The following GFRA2 variants were observed in gnomAD, a reference collection of about 807,000 sequenced individuals.
The protein encoded by GFRA2 is GDNF family receptor alpha-2.
Under a neutral mutation model 48.3 loss-of-function variants are expected in GFRA2, and 17 were observed. The observed-to-expected ratio is 0.35, with a 90% CI of 0.24 to 0.53. GFRA2 has a LOEUF of 0.53. Ranked by LOEUF, GFRA2 falls within the 20% of genes least tolerant of loss-of-function variation. GFRA2 has a pLI of 0.93. For synonymous variants in GFRA2, 305 were observed against 257.2 expected, an observed-to-expected ratio of 1.19 and a Z score of -1.78; for missense variants, 660 against 637.3, an observed-to-expected ratio of 1.04 and a Z score of -0.38.
chr8:21,750,635 G>C lies in GFRA2; in HGVS notation c.747C>G (p.Pro249=), dbSNP rs776485136. 1 of 1,613,384 alleles carries C rather than the reference G, an allele frequency of 6.2e-7. No homozygotes were observed. Among genetic ancestry groups the C allele is most frequent in the Admixed American group, 1.7e-5 (1 of 59,944 alleles). The stretch of plus-strand genomic sequence containing the variant: ...ACACGCCACGCAGGTCCAGGCAGTT[G>C]GGCTTCTCCTTGTCCTCATAGGAGC... ...PSCSYEDKEK[P]NCLDLRGVCR... The change falls in exon 4 of 9, where the codon CCC becomes CCG. Residue 249 remains proline, a synonymous_variant. Transcript: ENST00000524240. The surrounding 1 kb of genome is among the most constrained non-coding windows in gnomAD (Gnocchi z 5.7).
intron 3 of GFRA2, among the ~76,000 whole-genome samples, chr8:21,764,121 G>A (rs36145129): frequency 0.26 from 38,912 of 152,020 alleles, 5,756 homozygotes; most frequent in African/African-American, 0.4. Flanking sequence ...TGGTCTGTTC[G>A]GGCTGCTATA....
upstream of GFRA2, chr8:21,790,251 C>G (rs1482370780): frequency 1.6e-5 from 3 of 188,882 alleles, no homozygotes; most frequent in African/African-American, 7.1e-5. Flanking sequence ...CCCCGGCCCT[C>G]GCGCCACGTT....
At chr8:21,715,899 G>C (rs1398189379) in intron 4 of GFRA2, among the ~76,000 whole-genome samples, 1 of 152,214 alleles carries the variant, frequency 6.6e-6, no homozygotes, top group Non-Finnish European at 1.5e-5. Context: ...GAGAACGAGA[G>C]AGAGAGAGAC....
intron 1 of GFRA2, among the ~76,000 whole-genome samples, chr8:21,787,219 G>A (rs1807318271): frequency 1.3e-5 from 2 of 148,460 alleles, no homozygotes; most frequent in Non-Finnish European, 3.0e-5. Flanking sequence ...ACTGCGTGGG[G>A]CTCAGTGGCG....
intron 3 of GFRA2, among the ~76,000 whole-genome samples, chr8:21,754,505 C>CTTTTTTTTTTT (rs59344047): frequency 7.3e-4 from 89 of 121,170 alleles, no homozygotes; most frequent in African/African-American, 1.5e-3. Context: ...CTTTTTTTTT[C>CTTTTTTTTTTT]TTTTTTTTTT....
chr8:21,752,916 G>A (rs539790139), intron 3 of GFRA2, among the ~76,000 whole-genome samples: 41 of 152,016 alleles, frequency 2.7e-4, no homozygotes, highest in Admixed American at 1.4e-3. Flanking sequence ...TCTCACCACC[G>A]CCACTGCTGC....
At position 21,775,013 on chromosome 8, in the gene GFRA2, G is replaced by A; in HGVS notation, c.398C>T (p.Ser133Phe). The A allele has an allele frequency of 2.5e-6, 4 of 1,606,656 alleles. No individual in the cohort carries two copies. Among genetic ancestry groups the A allele is most frequent in the Non-Finnish European group, 3.4e-6 (4 of 1,173,472 alleles). The part of the protein sequence containing the change: ...YEASPYEPVT[S>F]RLSDIFRLAS... ...AAGCCTGAAGATGTCCGAGAGGCGGGAGGTCACCGGCTCATAGGGGGAGGC... is the reference window on the plus strand; with the variant it reads ...AAGCCTGAAGATGTCCGAGAGGCGGAAGGTCACCGGCTCATAGGGGGAGGC... Residue 133 changes from serine (S) to phenylalanine (F), a missense_variant, in exon 3 of 9, where the codon TCC (serine) becomes TTC (phenylalanine). Ser to Phe is a radical substitution (Grantham distance 155, BLOSUM62 -2). Transcript: ENST00000524240.
chr8:21,696,688 G>T (rs1802193449), intron 7 of GFRA2, among the ~76,000 whole-genome samples: 1 of 152,174 alleles, frequency 6.6e-6, no homozygotes, highest in Admixed American at 6.5e-5. Flanking sequence ...GAGCAAAGGG[G>T]GCCTGCAACT....
intron 2 of GFRA2, among the ~76,000 whole-genome samples, chr8:21,775,886 G>T (rs1806669158): frequency 1.3e-5 from 2 of 152,160 alleles, no homozygotes; most frequent in Admixed American, 1.3e-4. Context: ...CCCCACCACA[G>T]TGTCAGGAAT....
At chr8:21,779,179 A>C (rs1000432631) in intron 2 of GFRA2, among the ~76,000 whole-genome samples, 1 of 152,206 alleles carries the variant, frequency 6.6e-6, no homozygotes, top group Non-Finnish European at 1.5e-5. Flanking sequence ...TAGCCTAGGC[A>C]ACAGAGTGAG....
intron 4 of GFRA2, among the ~76,000 whole-genome samples, chr8:21,707,157 G>A (rs750145076): frequency 1.2e-4 from 18 of 152,200 alleles, no homozygotes; most frequent in African/African-American, 2.7e-4. Flanking sequence ...GACTTCAGTC[G>A]CCATGCACTC....
chr8:21,731,466 G>C (rs888052165), intron 4 of GFRA2, among the ~76,000 whole-genome samples: 2 of 152,078 alleles, frequency 1.3e-5, no homozygotes, highest in African/African-American at 4.8e-5. Flanking sequence ...CTTTTCCAAA[G>C]TCATCTTAAA....
intron 4 of GFRA2, chr8:21,706,245 G>C: frequency 1.6e-6 from 1 of 643,860 alleles, no homozygotes; most frequent in African/African-American, 1.8e-5. Context: ...ACTTCCCGGA[G>C]AGACAGGCAC....
Position 21,704,943 on chromosome 8 carries a change from T to G in GFRA2, c.1045+42A>C, listed in dbSNP as rs763545689. ...TGGCTAGGACAGACTCCAGGAGGGGTGGGAGGGGCTGCTGGGGTTGGGGAG... is the reference window on the plus strand; with the variant it reads ...TGGCTAGGACAGACTCCAGGAGGGGGGGGAGGGGCTGCTGGGGTTGGGGAG... On this transcript the variant is annotated intron_variant, in intron 6 of 8. Transcript: ENST00000524240. 7.1e-6 allele frequency: 10 copies of G among 1,399,774 alleles called. No homozygotes were observed. In the Admixed American group the frequency reaches 7.2e-5, roughly 10 times the overall value. The allele number at this position is 1,399,774 out of a possible 1,614,324, so 86.7% of individuals were successfully genotyped here.
chr8:21,728,250 G>A (rs1036786437), intron 4 of GFRA2, among the ~76,000 whole-genome samples: 4 of 138,540 alleles, frequency 2.9e-5, no homozygotes, highest in African/African-American at 1.1e-4. Context: ...TGTTTCCACA[G>A]ACTCCGGGAA....
At chr8:21,804,135 G>T (rs1052690493) in intron 2 of GFRA2, among the ~76,000 whole-genome samples, 1 of 151,786 alleles carries the variant, frequency 6.6e-6, no homozygotes, top group Non-Finnish European at 1.5e-5. Context: ...AAAATCATTC[G>T]CTTTACCACA....
chr8:21,779,000 A>C (rs1172477781), intron 2 of GFRA2, among the ~76,000 whole-genome samples: 1 of 152,132 alleles, frequency 6.6e-6, no homozygotes, highest in Non-Finnish European at 1.5e-5. Flanking sequence ...CCAGAGTTCA[A>C]GATCAGCCTG....
rs140107157 is a variant in GFRA2, at chr8:21,728,150, G to A, written c.795-22109C>T. Among the ~76,000 whole-genome samples the A allele has an allele frequency of 3.3e-3, 501 of 151,578 alleles. 2 individuals are homozygous for A. Among genetic ancestry groups the A allele is most frequent in the African/African-American group, 1.0e-2 (412 of 41,328 alleles). On this transcript the variant is annotated intron_variant, in intron 4 of 8. Transcript: ENST00000524240. ...GGCCCCAGTGCCATAGGGTGTGCCC[G>A]CCCACTGTGGTTCTCAACCCTCACC...
chr8:21,799,408 C>T (rs1237133508), intron 2 of GFRA2, among the ~76,000 whole-genome samples: 2 of 152,030 alleles, frequency 1.3e-5, no homozygotes, highest in East Asian at 1.9e-4. Flanking sequence ...TTAGTAGAGA[C>T]GGGGTTTCAC....
Sources: allele counts gnomAD v4.1 joint callset (sites outside exome capture counted in the v4.1 genomes callset), GRCh38; gene constraint gnomAD v4.1.1; non-coding constraint Gnocchi (gnomAD v3.1); transcripts MANE v1.5; gene names NCBI Gene and HGNC (gene_info 2026-07-23, HGNC 2026-07-21).